Variants in PATJ observed in about 807,000 individuals in gnomAD.
PATJ encodes PATJ crumbs cell polarity complex component.
Under a neutral mutation model 224.9 loss-of-function variants are expected in PATJ, and 190 were observed. The ratio of observed to expected loss-of-function variants is 0.84; its 90% CI spans 0.75 to 0.95. The LOEUF (loss-of-function observed/expected upper bound fraction) is 0.95. Ranked by LOEUF, PATJ falls within the 40% of genes least tolerant of loss-of-function variation. PATJ has a pLI of 0.00. For missense variants in PATJ, 2,121 were observed against 2,270.3 expected, an observed-to-expected ratio of 0.93 and a Z score of 1.34; for synonymous variants, 769 against 820.3, an observed-to-expected ratio of 0.94 and a Z score of 1.07.
chr1:61,899,704 G>C (rs1315428889), intron 23 of PATJ, 50 bp downstream of exon 23: 2 of 1,251,846 alleles, frequency 1.6e-6, no homozygotes, highest in Non-Finnish European at 1.1e-6. Flanking sequence ...ACAACCAGTT[G>C]CTCTTTTCTT....
chr1:61,784,669 T>G (rs1187820464), intron 7 of PATJ, among the ~76,000 whole-genome samples: 1 of 152,088 alleles, frequency 6.6e-6, no homozygotes, highest in East Asian at 1.9e-4. Flanking sequence ...TATTTTTTAA[T>G]TTTTTGATCA....
chr1:61,849,820 C>T (rs1370617909), intron 17 of PATJ, among the ~76,000 whole-genome samples: 6 of 152,080 alleles, frequency 3.9e-5, no homozygotes, highest in Non-Finnish European at 7.4e-5. Context: ...TTTTTAAAAA[C>T]AAACAAACCC....
intron 27 of PATJ, among the ~76,000 whole-genome samples, chr1:61,940,732 A>G (rs1677692992): frequency 6.6e-6 from 1 of 151,810 alleles, no homozygotes; most frequent in Non-Finnish European, 1.5e-5. Flanking sequence ...AAAAAAAAAA[A>G]AAGAGAAAAA....
chr1:62,091,805 C>T (rs1045605181), intron 33 of PATJ, among the ~76,000 whole-genome samples: 2 of 152,002 alleles, frequency 1.3e-5, no homozygotes, highest in Admixed American at 6.6e-5. Flanking sequence ...CCTGTAATCC[C>T]AGCACTTTGG....
chr1:61,804,930 C>A (rs1285437834), intron 12 of PATJ, among the ~76,000 whole-genome samples: 1 of 152,120 alleles, frequency 6.6e-6, no homozygotes, highest in East Asian at 1.9e-4. Flanking sequence ...CCAGACAAGC[C>A]TTTATAGCTA....
intron 17 of PATJ, among the ~76,000 whole-genome samples, chr1:61,845,566 C>T (rs186519145): frequency 3.9e-5 from 6 of 152,128 alleles, no homozygotes; most frequent in East Asian, 3.9e-4. Context: ...TTTTGTCACC[C>T]GAGAGTATAA....
At chr1:61,914,233 A>G (rs1007281951) in intron 25 of PATJ, among the ~76,000 whole-genome samples, 1 of 152,204 alleles carries the variant, frequency 6.6e-6, no homozygotes, top group Admixed American at 6.5e-5. Context: ...AGGCGGGCGG[A>G]TCATCTGAGG....
chr1:61,837,657 G>T (rs1250746647), intron 17 of PATJ, among the ~76,000 whole-genome samples: 1 of 152,016 alleles, frequency 6.6e-6, no homozygotes, highest in African/African-American at 2.4e-5. Flanking sequence ...AGGCGTGGTG[G>T]TGCATGCCTG....
rs1032871402 is a variant in PATJ, at chr1:61,765,934, G to A, written c.190-345G>A. Among the ~76,000 whole-genome samples, 11 of 152,268 alleles carry A rather than the reference G, an allele frequency of 7.2e-5. No homozygotes were observed. In the East Asian group the frequency reaches 1.7e-3, roughly 24 times the overall value. ...CTTTTGTTGCTCCCCACGTGGAATTGTACAGATAAATGGAAAAAGGTTTAG... is the reference window on the plus strand; with the variant it reads ...CTTTTGTTGCTCCCCACGTGGAATTATACAGATAAATGGAAAAAGGTTTAG... On this transcript the variant is annotated intron_variant, in intron 3 of 43. Coordinates refer to ENST00000642238, the MANE Select transcript of PATJ (RefSeq NM_001350145.3).
Position 61,812,070 on chromosome 1 carries a change from A to C in PATJ, c.1683+3540A>C, listed in dbSNP as rs1028726857. On this transcript the variant is annotated intron_variant, in intron 14 of 43. Transcript: ENST00000642238. Reference sequence around the variant, plus strand: ...AGCGAGACTCCATCTCAAAAAAAAAACACTATATTTTTCATCTATTTCTGT... The same window carrying C: ...AGCGAGACTCCATCTCAAAAAAAAACCACTATATTTTTCATCTATTTCTGT... Among the ~76,000 whole-genome samples the C allele has an allele frequency of 7.9e-5, 12 of 151,880 alleles. No individual in the cohort carries two copies. In the South Asian group the frequency reaches 8.3e-4, roughly 11 times the overall value.
chr1:61,801,605 T>C lies in PATJ; in HGVS notation c.1403-18T>C. On this transcript the variant is annotated intron_variant, in intron 11 of 43. Coordinates refer to ENST00000642238, the MANE Select transcript of PATJ (RefSeq NM_001350145.3). Reference sequence around the variant, plus strand: ...TAGCATTAACAAAATTTTAAAAAATTATTTTTTTTTGTTTTAGGAACTGTT... The same window carrying C: ...TAGCATTAACAAAATTTTAAAAAATCATTTTTTTTTGTTTTAGGAACTGTT... 6.9e-7 allele frequency: 1 copy of C among 1,441,682 alleles called. No individual in the cohort carries two copies. Among genetic ancestry groups the C allele is most frequent in the Non-Finnish European group, 9.2e-7 (1 of 1,086,388 alleles). The allele number at this position is 1,441,682 out of a possible 1,614,324, so 89.3% of individuals were successfully genotyped here. A position where few individuals can be genotyped will look rare whatever the true frequency, so the allele number is the denominator to read the frequency against.
At chr1:61,868,668 G>A (rs1665779566) in intron 20 of PATJ, among the ~76,000 whole-genome samples, 1 of 151,998 alleles carries the variant, frequency 6.6e-6, no homozygotes, top group Non-Finnish European at 1.5e-5. Context: ...GCATGCCTGT[G>A]GTTCCAGCTA....
In PATJ at chr1:62,163,808, A is replaced by G. The variant is rs180986501; in HGVS notation, c.*2754A>G. 2.7e-4 allele frequency: 41 copies of G among 152,334 alleles called. No homozygotes were observed. The highest frequency in any genetic ancestry group is 9.4e-4 in the African/African-American group (39 of 41,588). The allele number at this position is 152,334 out of a possible 1,614,324, so 9.4% of individuals were successfully genotyped here. A position where few individuals can be genotyped will look rare whatever the true frequency, so the allele number is the denominator to read the frequency against. ...ATTTCAGTATAGTAATGATATCACT[A>G]ATCGGAATTAGCATGAGAGGGAAGT... is the stretch of plus-strand genomic sequence containing the variant. On this transcript the variant is annotated 3_prime_UTR_variant, in exon 44 of 44. Coordinates refer to ENST00000642238, the MANE Select transcript of PATJ (RefSeq NM_001350145.3).
chr1:62,098,558 G>A (rs1661690333), intron 33 of PATJ, among the ~76,000 whole-genome samples: 1 of 151,408 alleles, frequency 6.6e-6, no homozygotes, highest in Non-Finnish European at 1.5e-5. Flanking sequence ...TTGTGCCATT[G>A]CACTCCAGTC....
At position 61,812,433 on chromosome 1, in the gene PATJ, A is replaced by AGTGT. The variant is rs71050167; in HGVS notation, c.1683+3935_1683+3938dup. Reference sequence around the variant, plus strand: ...GAGAGAGAGAGAGAGAGAGAGAGAGAGTGTGTGTGTGTGTGTGTGTGTGTG... The same window carrying AGTGT: ...GAGAGAGAGAGAGAGAGAGAGAGAGAGTGTGTGTGTGTGTGTGTGTGTGTGTGTG... On this transcript the variant is annotated intron_variant, in intron 14 of 43. Coordinates refer to ENST00000642238, the MANE Select transcript of PATJ (RefSeq NM_001350145.3). Among the ~76,000 whole-genome samples, 498 of 84,992 alleles carry AGTGT rather than the reference A, an allele frequency of 5.9e-3. 6 individuals carry two copies. The highest frequency in any genetic ancestry group is 0.025 in the East Asian group (35 of 1,400). 55.8% of individuals were successfully genotyped at this position (84,992 alleles called of 152,430 possible).
At chr1:61,862,307 C>T (rs1664741158) in intron 19 of PATJ, among the ~76,000 whole-genome samples, 1 of 151,962 alleles carries the variant, frequency 6.6e-6, no homozygotes, top group Admixed American at 6.6e-5. Flanking sequence ...AGCAATTCTC[C>T]TGCCTCAGCC....
intron 30 of PATJ, among the ~76,000 whole-genome samples, chr1:62,048,939 A>G (rs1362885557): frequency 6.6e-6 from 1 of 152,146 alleles, no homozygotes; most frequent in East Asian, 1.9e-4. Flanking sequence ...GAAGTCCAAA[A>G]CATTTCCAAG....
chr1:62,037,875 T>A, intron 29 of PATJ, 102 bp from the exon 30 acceptor site: 1 of 507,798 alleles, frequency 2.0e-6, no homozygotes, highest in Non-Finnish European at 3.6e-6. Context: ...TCTATGATGC[T>A]GTGTGTGCAT....
chr1:62,062,889 T>G (rs1431063581), intron 31 of PATJ, among the ~76,000 whole-genome samples: 3 of 152,186 alleles, frequency 2.0e-5, no homozygotes, highest in Non-Finnish European at 4.4e-5. Flanking sequence ...TTGAAGTTCC[T>G]TATAGATTCT....
Sources: gnomAD v4.1 joint callset for allele counts (sites outside exome capture counted in the v4.1 genomes callset) on GRCh38, gnomAD v4.1.1 for gene constraint, MANE v1.5 for transcripts, NCBI Gene and HGNC (gene_info 2026-07-23, HGNC 2026-07-21) for gene names.